The following SNX29 variants were observed in gnomAD, a reference collection of about 807,000 sequenced individuals.
The protein encoded by SNX29 is sorting nexin 29.
SNX29 carries 78 observed loss-of-function variants against 102.1 expected under a neutral mutation model. The observed-to-expected ratio is 0.76, with a 90% CI of 0.64 to 0.92. The LOEUF is 0.92. Among genes scored for constraint, SNX29 ranks in the 40% least tolerant of loss-of-function variants. The pLI is 0.00. For missense variants in SNX29, 1,280 were observed against 1,061.7 expected (o/e 1.21, Z -2.86); for synonymous variants, 580 against 414.5 (o/e 1.40, Z -4.85).
At chr16:12,204,539 C>T (rs2076998237) in intron 14 of SNX29, among the ~76,000 whole-genome samples, 2 of 152,178 alleles carry the variant, frequency 1.3e-5, no homozygotes, top group African/African-American at 4.8e-5. Context: ...CACGAGCTCT[C>T]CTCGGCATCC....
At chr16:12,308,905 T>C (rs2080439017) in intron 15 of SNX29, among the ~76,000 whole-genome samples, 1 of 152,156 alleles carries the variant, frequency 6.6e-6, no homozygotes, top group Admixed American at 6.5e-5. Context: ...CTTAAGCCTG[T>C]TGCATGTAGG....
chr16:12,559,954 G>A (rs1014156099), intron 20 of SNX29, among the ~76,000 whole-genome samples: 1 of 152,104 alleles, frequency 6.6e-6, no homozygotes, highest in African/African-American at 2.4e-5. Context: ...ACTCCAGCCT[G>A]GGCAACAGAG....
At chr16:12,455,289 G>A (rs1012234786) in intron 18 of SNX29, among the ~76,000 whole-genome samples, 3 of 152,134 alleles carry the variant, frequency 2.0e-5, no homozygotes, top group Non-Finnish European at 2.9e-5. Context: ...CCCACACCTC[G>A]TGGCCCTTTT....
chr16:12,122,812 C>T (rs1429545054), intron 11 of SNX29, among the ~76,000 whole-genome samples: 1 of 152,004 alleles, frequency 6.6e-6, no homozygotes, highest in Admixed American at 6.6e-5. Flanking sequence ...CCTATCATCT[C>T]TGTTATTAAT....
chr16:12,467,627 C>A lies in SNX29; in HGVS notation c.2038-10092C>A, dbSNP rs78251463. Among the ~76,000 whole-genome samples, 437 of 132,316 alleles carry A rather than the reference C, an allele frequency of 3.3e-3. 5 individuals are homozygous for A. The highest frequency in any genetic ancestry group is 0.014 in the African/African-American group (394 of 28,222). 86.8% of individuals were successfully genotyped at this position (132,316 alleles called of 152,430 possible). ...TTGTTCGTTTGTTCGTTCGTTAGTT[C>A]GTTCGTTCGTTCATTCATTCATTCA... On this transcript the variant is annotated intron_variant, in intron 18 of 20. Transcript: ENST00000566228.
chr16:12,041,190 C>T (rs1006323768), intron 4 of SNX29, among the ~76,000 whole-genome samples: 2 of 152,122 alleles, frequency 1.3e-5, no homozygotes, highest in African/African-American at 2.4e-5. Flanking sequence ...TGGCTCATTG[C>T]ACCTTCTGCC....
chr16:12,541,539 C>T (rs942200557), intron 20 of SNX29, among the ~76,000 whole-genome samples: 4 of 152,060 alleles, frequency 2.6e-5, no homozygotes, highest in East Asian at 3.9e-4. Flanking sequence ...TGTAGTTGTT[C>T]ATCAGCCTCC....
At chr16:12,548,892 C>T (rs1489331306) in intron 20 of SNX29, among the ~76,000 whole-genome samples, 2 of 152,228 alleles carry the variant, frequency 1.3e-5, no homozygotes, top group Non-Finnish European at 2.9e-5. Flanking sequence ...CTACACATAG[C>T]AGCACTCACT....
Position 12,042,785 on chromosome 16 carries a change from T to G in SNX29, c.248-112T>G, listed in dbSNP as rs149881734. On this transcript the variant is annotated intron_variant, in intron 4 of 20. Coordinates refer to ENST00000566228, the MANE Select transcript of SNX29 (RefSeq NM_032167.5). ...GTGTTATCTCCTACCTTTTCCATGCTAAGGGGATACTCTGTTACAATCTCC... is the reference window on the plus strand; with the variant it reads ...GTGTTATCTCCTACCTTTTCCATGCGAAGGGGATACTCTGTTACAATCTCC... The G allele has an allele frequency of 9.2e-4, 1,006 of 1,095,074 alleles. 8 individuals carry two copies. In the African/African-American group the frequency reaches 0.014, roughly 16 times the overall value. The allele number at this position is 1,095,074 out of a possible 1,614,324, so 67.8% of individuals were successfully genotyped here. A position where few individuals can be genotyped will look rare whatever the true frequency, so the allele number is the denominator to read the frequency against.
intron 14 of SNX29, among the ~76,000 whole-genome samples, chr16:12,206,814 G>GTTTTTTTTTTTTTTT (rs71139583): frequency 8.2e-6 from 1 of 121,636 alleles, no homozygotes; most frequent in Non-Finnish European, 1.7e-5. Context: ...GAATGAGGTG[G>GTTTTTTTTTTTTTTT]TTTTTTTTTT....
At chr16:12,378,691 G>A (rs557248313) in intron 16 of SNX29, among the ~76,000 whole-genome samples, 5 of 152,268 alleles carry the variant, frequency 3.3e-5, no homozygotes, top group Non-Finnish European at 5.9e-5. Flanking sequence ...GGAGGGAGCA[G>A]GCATGCCAAC....
At chr16:12,362,980 C>A (rs577489440) in intron 16 of SNX29, among the ~76,000 whole-genome samples, 1 of 152,100 alleles carries the variant, frequency 6.6e-6, no homozygotes, top group South Asian at 2.1e-4. Flanking sequence ...CCATGCCAGC[C>A]CATCTCTCCT....
chr16:12,005,389 G>A (rs540641450), intron 3 of SNX29, among the ~76,000 whole-genome samples: 2 of 152,262 alleles, frequency 1.3e-5, no homozygotes, highest in Non-Finnish European at 2.9e-5. Flanking sequence ...GTGTGTGTGT[G>A]TATGCCTGAA....
At chr16:12,380,463 C>G (rs899533863) in intron 16 of SNX29, among the ~76,000 whole-genome samples, 77 of 115,108 alleles carry the variant, frequency 6.7e-4, no homozygotes, top group African/African-American at 2.4e-3. Context: ...CATCCATCCA[C>G]CCACCATCCA....
At chr16:12,195,863 G>C (rs1458983382) in intron 13 of SNX29, among the ~76,000 whole-genome samples, 1 of 152,160 alleles carries the variant, frequency 6.6e-6, no homozygotes, top group Non-Finnish European at 1.5e-5. Context: ...GAGACACCAA[G>C]TGTGTGGCAG....
chr16:12,130,768 C>G (rs1427760116), intron 13 of SNX29, among the ~76,000 whole-genome samples: 1 of 151,774 alleles, frequency 6.6e-6, no homozygotes, highest in Non-Finnish European at 1.5e-5. Flanking sequence ...GAAGTGGTAG[C>G]CTGTCCTATG....
chr16:12,549,814 C>T (rs1197664813), intron 20 of SNX29, among the ~76,000 whole-genome samples: 1 of 152,242 alleles, frequency 6.6e-6, no homozygotes, highest in Non-Finnish European at 1.5e-5. Context: ...GCTTCTGTGC[C>T]CTGTGTGGCC....
intron 17 of SNX29, among the ~76,000 whole-genome samples, chr16:12,400,099 G>T (rs994376542): frequency 1.3e-5 from 2 of 152,268 alleles, no homozygotes; most frequent in South Asian, 2.1e-4. Flanking sequence ...TCTCCCCAGA[G>T]ATTTGGAACC....
chr16:12,464,060 A>G (rs1427356273), intron 18 of SNX29, among the ~76,000 whole-genome samples: 3 of 150,310 alleles, frequency 2.0e-5, no homozygotes, highest in South Asian at 2.1e-4. Flanking sequence ...CTCTGCTTCT[A>G]TGAGTTTATC....
Sources: allele counts gnomAD v4.1 joint callset (sites outside exome capture counted in the v4.1 genomes callset), GRCh38; gene constraint gnomAD v4.1.1; transcripts MANE v1.5; gene names NCBI Gene and HGNC (gene_info 2026-07-23, HGNC 2026-07-21).